Variants in TCF4 observed in about 807,000 individuals in gnomAD.
The protein encoded by TCF4 is SL3-3 enhancer factor 2.
A neutral mutation model predicts 82.1 loss-of-function variants in TCF4; 3 were observed. That is an observed-to-expected ratio of 0.04 (90% confidence interval 0.02 to 0.09). The LOEUF (loss-of-function observed/expected upper bound fraction) is 0.09. Among genes scored for constraint, TCF4 ranks in the 10% least tolerant of loss-of-function variants. The pLI is 1.00. For missense variants in TCF4, 518 were observed against 852.7 expected (o/e 0.61, Z 4.89); for synonymous variants, 276 against 309.6 (o/e 0.89, Z 1.14).
chr18:55,282,852 T>C (rs561725428), intron 8 of TCF4, among the ~76,000 whole-genome samples: 16 of 151,996 alleles, frequency 1.1e-4, no homozygotes, highest in Admixed American at 5.2e-4. Flanking sequence ...TCTCCAATAA[T>C]ACGCTTAGAT....
Position 55,229,270 on chromosome 18 carries a change from G to A in TCF4, c.1650-194C>T, listed in dbSNP as rs192177178. ...CAGTTCACAATACACAAGATATTTG[G>A]TTTTCTCGCAGACATTAAACCCAAA... On this transcript the variant is annotated intron_variant, in intron 17 of 19. Coordinates refer to ENST00000354452, the MANE Select transcript of TCF4 (RefSeq NM_001083962.2). 4 of 650,562 alleles carry A rather than the reference G, an allele frequency of 6.1e-6. No homozygotes were observed. The Admixed American group carries it at 9.4e-5, about 15-fold the overall frequency. 40.3% of individuals were successfully genotyped at this position (650,562 alleles called of 1,614,324 possible). A position where few individuals can be genotyped will look rare whatever the true frequency, so the allele number is the denominator to read the frequency against.
At chr18:55,556,556 T>A (rs1469640973) in intron 3 of TCF4, among the ~76,000 whole-genome samples, 1 of 152,202 alleles carries the variant, frequency 6.6e-6, no homozygotes, top group African/African-American at 2.4e-5. Flanking sequence ...GGTTTCACCA[T>A]GTCACCCAGG....
chr18:55,566,853 G>A (rs2097412992), intron 3 of TCF4, among the ~76,000 whole-genome samples: 1 of 152,150 alleles, frequency 6.6e-6, no homozygotes, highest in South Asian at 2.1e-4. Flanking sequence ...TTTCTGAATT[G>A]GAGGGAGACA....
intron 2 of TCF4, among the ~76,000 whole-genome samples, chr18:55,606,532 T>G (rs1444325719): frequency 6.6e-6 from 1 of 152,218 alleles, no homozygotes; most frequent in Admixed American, 6.5e-5. Flanking sequence ...AGTAATAATA[T>G]GGATTTATAA....
chr18:55,346,227 T>A lies in TCF4; in HGVS notation c.549+4132A>T, dbSNP rs185521786. 2.0e-4 allele frequency among the ~76,000 whole-genome samples: 31 copies of A among 152,330 alleles called. No homozygotes were observed. In the East Asian group the frequency reaches 5.0e-3, roughly 25 times the overall value. ...TTAAATATTTCATTTTATTTAAGAA[T>A]TCTTTCCTTATGAAAATTGGTGAAC... On this transcript the variant is annotated intron_variant, in intron 8 of 19. Coordinates refer to ENST00000354452, the MANE Select transcript of TCF4 (RefSeq NM_001083962.2).
intron 5 of TCF4, among the ~76,000 whole-genome samples, chr18:55,415,758 T>C (rs1031684270): frequency 2.0e-5 from 3 of 152,216 alleles, no homozygotes; most frequent in African/African-American, 7.2e-5. Flanking sequence ...GTAGTTTTTA[T>C]TGCCCTATCT....
intron 8 of TCF4, among the ~76,000 whole-genome samples, chr18:55,299,564 A>T (rs1252007688): frequency 2.6e-5 from 4 of 152,016 alleles, no homozygotes; most frequent in Non-Finnish European, 5.9e-5. Context: ...AATGGTATAA[A>T]TTCCTAATTG....
chr18:55,229,735 T>G (rs2047340962), intron 17 of TCF4: 1 of 152,662 alleles, frequency 6.6e-6, no homozygotes, highest in African/African-American at 2.4e-5. Flanking sequence ...CTCTATGTAT[T>G]AAACAAAAAG....
chr18:55,234,349 T>C, intron 16 of TCF4, 199 bp downstream of exon 16: 1 of 699,494 alleles, frequency 1.4e-6, no homozygotes. Context: ...AGAGGATGTT[T>C]GAGGAAAACA....
At chr18:55,426,954 C>A (rs34461547) in intron 5 of TCF4, among the ~76,000 whole-genome samples, 3 of 152,208 alleles carry the variant, frequency 2.0e-5, no homozygotes, top group African/African-American at 7.2e-5. Context: ...TCCCAAAATA[C>A]AGTCTTTTAC....
intron 6 of TCF4, among the ~76,000 whole-genome samples, chr18:55,400,682 T>C (rs1299804331): frequency 2.0e-5 from 3 of 152,146 alleles, no homozygotes; most frequent in African/African-American, 7.2e-5. Flanking sequence ...ATCTAAAATA[T>C]ATATCTATTT....
At chr18:55,510,776 C>G in intron 3 of TCF4, 3 of 1,243,254 alleles carry the variant, frequency 2.4e-6, no homozygotes, top group Non-Finnish European at 3.0e-6. Flanking sequence ...TAATGATGAC[C>G]GTAGATTTTA....
intron 8 of TCF4, among the ~76,000 whole-genome samples, chr18:55,342,579 T>A (rs762746462): frequency 1.3e-5 from 2 of 152,168 alleles, no homozygotes; most frequent in Non-Finnish European, 2.9e-5. Flanking sequence ...GCCATAAACA[T>A]TCTCCTAATA....
At chr18:55,568,087 G>T (rs1229190964) in intron 3 of TCF4, among the ~76,000 whole-genome samples, 1 of 150,516 alleles carries the variant, frequency 6.6e-6, no homozygotes, top group South Asian at 2.1e-4. Flanking sequence ...GTCATCAGAG[G>T]GTATTATATT....
intron 2 of TCF4, among the ~76,000 whole-genome samples, chr18:55,622,600 C>T (rs894239257): frequency 1.3e-5 from 2 of 151,250 alleles, no homozygotes; most frequent in African/African-American, 2.4e-5. Flanking sequence ...TGGACATGCA[C>T]TTAGTGACTA....
chr18:55,571,812 T>A (rs1194261372), intron 3 of TCF4, among the ~76,000 whole-genome samples: 1 of 146,762 alleles, frequency 6.8e-6, no homozygotes, highest in African/African-American at 2.5e-5. Context: ...ACACACATCA[T>A]AATTCAGCCT....
At chr18:55,322,425 G>GAAAAAAAAAAAA in intron 8 of TCF4, 2 of 772,580 alleles carry the variant, frequency 2.6e-6, no homozygotes, top group Non-Finnish European at 2.9e-6. Flanking sequence ...GGGGAGGGAA[G>GAAAAAAAAAAAA]AAAAAAAAAA....
intron 3 of TCF4, among the ~76,000 whole-genome samples, chr18:55,579,465 AT>A (rs200439001): frequency 2.0e-5 from 3 of 147,474 alleles, no homozygotes; most frequent in Admixed American, 1.4e-4. Context: ...AAAAAAAAAA[AT>A]AATAAAGAAA....
At chr18:55,614,570 A>C (rs1489156772) in intron 2 of TCF4, among the ~76,000 whole-genome samples, 1 of 152,192 alleles carries the variant, frequency 6.6e-6, no homozygotes, top group African/African-American at 2.4e-5. Flanking sequence ...ATCAGTATAA[A>C]GGTCTGTTCA....
Sources: gnomAD v4.1 joint callset for allele counts (sites outside exome capture counted in the v4.1 genomes callset) on GRCh38, gnomAD v4.1.1 for gene constraint, MANE v1.5 for transcripts, NCBI Gene and HGNC (gene_info 2026-07-23, HGNC 2026-07-21) for gene names.